TUSC3: variants seen among roughly 807,000 people sequenced by gnomAD.
TUSC3 encodes dolichyl-diphosphooligosaccharide--protein glycosyltransferase subunit TUSC3.
TUSC3 carries 45 observed loss-of-function variants against 44.8 expected under a neutral mutation model. That is an observed-to-expected ratio of 1.00 (90% CI 0.79 to 1.29). The LOEUF (loss-of-function observed/expected upper bound fraction) is 1.29, where lower values mean the gene tolerates loss of function less well. TUSC3 is among the 50% of genes most tolerant of loss of function. The pLI, the probability that TUSC3 is intolerant of heterozygous loss-of-function variation, is 0.00. For missense variants in TUSC3, 519 were observed against 437.9 expected, an observed-to-expected ratio of 1.19 and a Z score of -1.65; for synonymous variants, 212 against 152.9, an observed-to-expected ratio of 1.39 and a Z score of -2.85.
chr8:15,669,464 C>G (rs1807842884), intron 5 of TUSC3, among the ~76,000 whole-genome samples: 1 of 151,704 alleles, frequency 6.6e-6, no homozygotes, highest in Non-Finnish European at 1.5e-5. Context: ...GCCAGTCTTT[C>G]TCATGGATAT....
chr8:15,633,536 G>A (rs1354018720), intron 2 of TUSC3, among the ~76,000 whole-genome samples: 1 of 152,194 alleles, frequency 6.6e-6, no homozygotes, highest in East Asian at 1.9e-4. Context: ...TACTCAGGCA[G>A]GGCAGGCCTT....
At chr8:15,636,344 T>G (rs952184816) in intron 2 of TUSC3, among the ~76,000 whole-genome samples, 1 of 152,120 alleles carries the variant, frequency 6.6e-6, no homozygotes, top group Non-Finnish European at 1.5e-5. Context: ...ATAGCTGCTG[T>G]TTTTTTAATG....
the TUSC3 span, among the ~76,000 whole-genome samples, chr8:15,775,625 TAC>T: frequency 9.5e-5 from 10 of 105,300 alleles, no homozygotes; most frequent in African/African-American, 1.9e-4. Flanking sequence ...CATATATATA[TAC>T]AGACACATAT....
At chr8:15,553,243 A>C (rs1476269201) in intron 1 of TUSC3, among the ~76,000 whole-genome samples, 4 of 151,734 alleles carry the variant, frequency 2.6e-5, no homozygotes, top group Non-Finnish European at 5.9e-5. Flanking sequence ...TCATTCGCCT[A>C]AATGGGAATT....
intron 2 of TUSC3, among the ~76,000 whole-genome samples, chr8:15,517,719 T>G: frequency 6.6e-6 from 1 of 152,174 alleles, no homozygotes; most frequent in Non-Finnish European, 1.5e-5. Flanking sequence ...ATTATATAAA[T>G]AGTTCACTTC....
chr8:15,551,223 A>G (rs1802051225), intron 1 of TUSC3, among the ~76,000 whole-genome samples: 1 of 151,674 alleles, frequency 6.6e-6, no homozygotes, highest in Non-Finnish European at 1.5e-5. Context: ...GCATATCTTT[A>G]ATTTTTATTA....
chr8:15,476,167 G>A (rs1800573073), intron 1 of TUSC3, among the ~76,000 whole-genome samples: 1 of 152,262 alleles, frequency 6.6e-6, no homozygotes, highest in East Asian at 1.9e-4. Context: ...ATGCTGTTAT[G>A]TAAGAGAAGA....
the TUSC3 span, among the ~76,000 whole-genome samples, chr8:15,802,968 G>A: frequency 6.6e-6 from 1 of 152,014 alleles, no homozygotes; most frequent in Non-Finnish European, 1.5e-5. Flanking sequence ...GGCATAAAAA[G>A]GATTTATTTT....
chr8:15,526,073 T>C (rs1416020237), intron 2 of TUSC3, among the ~76,000 whole-genome samples: 4 of 151,946 alleles, frequency 2.6e-5, no homozygotes, highest in African/African-American at 4.8e-5. Flanking sequence ...CCCTTTGTCG[T>C]CCAGGCTGGA....
rs535185908 is a variant in TUSC3, at chr8:15,712,222, C to T, written c.799-18444C>T. Among the ~76,000 whole-genome samples the T allele has an allele frequency of 1.6e-4, 25 of 152,030 alleles. No homozygotes were observed. In the East Asian group the frequency reaches 4.3e-3, roughly 26 times the overall value. ...ACTTTTAAAGATTATCTAATTCATT[C>T]TTCGTCTTCAGACATGATATAAATT... On this transcript the variant is annotated intron_variant, in intron 6 of 10. Coordinates refer to ENST00000503731, the MANE Select transcript of TUSC3 (RefSeq NM_006765.4).
At chr8:15,501,437 C>G (rs1444712725) in intron 2 of TUSC3, among the ~76,000 whole-genome samples, 1 of 152,136 alleles carries the variant, frequency 6.6e-6, no homozygotes, top group Admixed American at 6.5e-5. Flanking sequence ...AACAGGAGGT[C>G]TTAAGTTACT....
intron 1 of TUSC3, among the ~76,000 whole-genome samples, chr8:15,449,113 T>C (rs1800159578): frequency 6.6e-6 from 1 of 152,150 alleles, no homozygotes; most frequent in Non-Finnish European, 1.5e-5. Context: ...ATATGGTCAT[T>C]CTGACAAGCT....
intron 2 of TUSC3, among the ~76,000 whole-genome samples, chr8:15,511,860 G>C (rs4831731): frequency 0.47 from 70,739 of 151,552 alleles, 19,215 homozygotes; most frequent in Non-Finnish European, 0.62. Flanking sequence ...GACAGAGCAA[G>C]ACAGTCTCAA....
At chr8:15,535,910 G>A (rs969047372), upstream of TUSC3, among the ~76,000 whole-genome samples, 4 of 152,162 alleles carry the variant, frequency 2.6e-5, no homozygotes, top group African/African-American at 9.7e-5. Flanking sequence ...CCAACTCGTG[G>A]CCTGCGGGTT....
chr8:15,637,281 C>T (rs953946569), intron 2 of TUSC3, among the ~76,000 whole-genome samples: 1 of 152,074 alleles, frequency 6.6e-6, no homozygotes, highest in Admixed American at 6.5e-5. Flanking sequence ...TAATCCTATT[C>T]TTAATGTCCT....
At chr8:15,490,396 T>A (rs2129125729) in intron 2 of TUSC3, among the ~76,000 whole-genome samples, 1 of 152,184 alleles carries the variant, frequency 6.6e-6, no homozygotes, top group Admixed American at 6.5e-5. Flanking sequence ...ACACCCTAAC[T>A]TTCTCCTCTC....
chr8:15,443,248 A>G (rs1051999342), intron 1 of TUSC3, among the ~76,000 whole-genome samples: 6 of 150,676 alleles, frequency 4.0e-5, no homozygotes, highest in African/African-American at 1.5e-4. Flanking sequence ...ATCACAGCTC[A>G]CTGCAGTCTC....
the TUSC3 span, among the ~76,000 whole-genome samples, chr8:15,824,066 C>G: frequency 2.0e-5 from 3 of 152,152 alleles, no homozygotes; most frequent in Non-Finnish European, 4.4e-5. Context: ...TAGCAATCAA[C>G]TACAGCTAAG....
chr8:15,823,488 A>G, the TUSC3 span, among the ~76,000 whole-genome samples: 2 of 152,160 alleles, frequency 1.3e-5, no homozygotes, highest in African/African-American at 4.8e-5. Context: ...TTCCTCCAAG[A>G]TATTGAAGTC....
Sources: gnomAD v4.1 joint callset for allele counts (sites outside exome capture counted in the v4.1 genomes callset) on GRCh38, gnomAD v4.1.1 for gene constraint, MANE v1.5 for transcripts, NCBI Gene and HGNC (gene_info 2026-07-23, HGNC 2026-07-21) for gene names.